Variants in CEP63 observed in about 807,000 individuals in gnomAD.
CEP63 encodes the protein centrosomal protein 63.
In CEP63, 84 loss-of-function variants were observed where a neutral mutation model predicts 89.1. The ratio of observed to expected loss-of-function variants is 0.94; its 90% CI spans 0.79 to 1.13. CEP63 has a LOEUF of 1.13. Ranked by LOEUF, CEP63 falls within the 50% of genes most tolerant of loss-of-function variation. The pLI, the probability that CEP63 is intolerant of heterozygous loss-of-function variation, is 0.00. For synonymous variants in CEP63, 267 were observed against 272.5 expected (o/e 0.98, Z 0.20); for missense variants, 838 against 813.3 (o/e 1.03, Z -0.37).
the CEP63 span, chr3:134,603,722 A>G: frequency 6.2e-7 from 1 of 1,613,710 alleles, no homozygotes. Flanking sequence ...GTCAGGGGCC[A>G]TGTGTCCTGC....
the CEP63 span, among the ~76,000 whole-genome samples, chr3:134,753,868 G>T: frequency 8.0e-6 from 1 of 125,206 alleles, no homozygotes; most frequent in Non-Finnish European, 1.7e-5. Flanking sequence ...TACTGCCTCA[G>T]TGCATAGAAG....
At chr3:134,531,286 C>G (rs1330206994) in intron 3 of CEP63, among the ~76,000 whole-genome samples, 3 of 152,038 alleles carry the variant, frequency 2.0e-5, no homozygotes, top group Non-Finnish European at 4.4e-5. Context: ...GATAATCAGA[C>G]AGAGAGACAC....
chr3:134,734,674 A>T, the CEP63 span, among the ~76,000 whole-genome samples: 1 of 152,168 alleles, frequency 6.6e-6, no homozygotes, highest in East Asian at 1.9e-4. Context: ...GAAACAGAAA[A>T]TCAAAATTGT....
the CEP63 span, chr3:134,619,214 G>C: frequency 6.2e-7 from 1 of 1,614,012 alleles, no homozygotes; most frequent in Non-Finnish European, 8.5e-7. Context: ...CAGGATGTCA[G>C]TGGGTTTGAA....
At chr3:134,567,382 G>C (rs943451422), downstream of CEP63, among the ~76,000 whole-genome samples, 1 of 142,388 alleles carries the variant, frequency 7.0e-6, no homozygotes, top group Non-Finnish European at 1.5e-5. Flanking sequence ...GCACAACTCT[G>C]AATATAACAA....
intron 3 of CEP63, among the ~76,000 whole-genome samples, chr3:134,510,217 A>C (rs1472382156): frequency 2.0e-5 from 3 of 152,248 alleles, no homozygotes; most frequent in African/African-American, 7.2e-5. Flanking sequence ...CACTTAAAAG[A>C]GCTGTAGCTG....
chr3:134,621,695 C>T, the CEP63 span, among the ~76,000 whole-genome samples: 3 of 151,772 alleles, frequency 2.0e-5, no homozygotes, highest in African/African-American at 7.3e-5. Flanking sequence ...GCACAAGCAA[C>T]AAAGGAAAAA....
chr3:134,527,441 G>C (rs938331189), intron 3 of CEP63, among the ~76,000 whole-genome samples: 6 of 152,164 alleles, frequency 3.9e-5, no homozygotes. Flanking sequence ...AGGGCTGGCT[G>C]GTTTGGTGCC....
the CEP63 span, among the ~76,000 whole-genome samples, chr3:134,643,000 C>A: frequency 7.2e-5 from 11 of 152,114 alleles, no homozygotes; most frequent in Admixed American, 4.6e-4. Context: ...GGGTGTCTGG[C>A]ACATAGTTAG....
the CEP63 span, among the ~76,000 whole-genome samples, chr3:134,676,619 T>C: frequency 6.6e-6 from 1 of 152,124 alleles, no homozygotes; most frequent in African/African-American, 2.4e-5. Context: ...AAAGAGAATA[T>C]TAAAAGTGAG....
intron 3 of CEP63, among the ~76,000 whole-genome samples, chr3:134,526,535 G>A (rs1288179402): frequency 6.6e-6 from 1 of 152,020 alleles, no homozygotes; most frequent in Non-Finnish European, 1.5e-5. Context: ...CCTTGGACTG[G>A]GTTTCAGTAT....
At chr3:134,750,327 G>C in the CEP63 span, among the ~76,000 whole-genome samples, 1 of 152,154 alleles carries the variant, frequency 6.6e-6, no homozygotes, top group African/African-American at 2.4e-5. Flanking sequence ...GCCCCTGTAG[G>C]CACATTCTAA....
chr3:134,748,107 T>C, the CEP63 span, among the ~76,000 whole-genome samples: 236 of 152,298 alleles, frequency 1.5e-3, 1 homozygote, highest in African/African-American at 5.5e-3. Flanking sequence ...TTTTGGATGA[T>C]AGTTCAGTGG....
Position 134,545,613 on chromosome 3 carries a change from T to C in CEP63, c.583T>C (p.Leu195=). 2 of 1,614,114 alleles carry C rather than the reference T, an allele frequency of 1.2e-6. No individual in the cohort carries two copies. Among genetic ancestry groups the C allele is most frequent in the Non-Finnish European group, 1.7e-6 (2 of 1,179,988 alleles). The change falls in exon 7 of 15, where the codon TTA becomes CTA. Residue 195 remains leucine, a synonymous_variant. Coordinates refer to ENST00000675561, the MANE Select transcript of CEP63 (RefSeq NM_001353108.3). The stretch of plus-strand genomic sequence containing the variant: ...TCAGCTTGTCAATCGGAAACAGAAA[T>C]TAGAGTCTGTGGAACTTTCTAGCCA... ...QAQLVNRKQK[L]ESVELSSQSE... is the part of the protein sequence containing the mutation.
chr3:134,669,247 T>G, the CEP63 span, among the ~76,000 whole-genome samples: 1 of 152,304 alleles, frequency 6.6e-6, no homozygotes, highest in Admixed American at 6.5e-5. Flanking sequence ...TGGCTGATTT[T>G]AAACTCCTAG....
At chr3:134,771,857 T>G in the CEP63 span, among the ~76,000 whole-genome samples, 1,291 of 152,296 alleles carry the variant, frequency 8.5e-3, 16 homozygotes, top group African/African-American at 0.028. Context: ...AAGAAGTCCA[T>G]GCCCATCTTC....
the CEP63 span, among the ~76,000 whole-genome samples, chr3:134,725,943 A>G: frequency 5.9e-5 from 9 of 152,172 alleles, no homozygotes; most frequent in Non-Finnish European, 1.0e-4. Context: ...TGTGGCCCTG[A>G]AGGACGGGAG....
chr3:134,634,849 AT>A, the CEP63 span, among the ~76,000 whole-genome samples: 1 of 152,226 alleles, frequency 6.6e-6, no homozygotes, highest in Non-Finnish European at 1.5e-5. Context: ...CCTGGAACCA[AT>A]CCCCCATGTA....
At chr3:134,738,353 G>A in the CEP63 span, among the ~76,000 whole-genome samples, 25 of 151,928 alleles carry the variant, frequency 1.6e-4, no homozygotes, top group East Asian at 4.5e-3. Context: ...TTTTGCAATC[G>A]TGAATTGTGC....
Sources: allele counts gnomAD v4.1 joint callset (sites outside exome capture counted in the v4.1 genomes callset), GRCh38; gene constraint gnomAD v4.1.1; transcripts MANE v1.5; gene names NCBI Gene and HGNC (gene_info 2026-07-23, HGNC 2026-07-21).